The following LCP2 variants were observed in gnomAD, a reference collection of about 807,000 sequenced individuals.
The protein encoded by LCP2 is lymphocyte cytosolic protein 2, also known as 76 kDa tyrosine phosphoprotein.
LCP2 carries 29 observed loss-of-function variants against 74.5 expected under a neutral mutation model. The observed-to-expected ratio is 0.39, with a 90% confidence interval of 0.29 to 0.53. The LOEUF (loss-of-function observed/expected upper bound fraction) is 0.53, where lower values mean the gene tolerates loss of function less well. Ranked by LOEUF, LCP2 falls within the 20% of genes least tolerant of loss-of-function variation. The pLI, the probability that LCP2 is intolerant of heterozygous loss-of-function variation, is 0.72. For missense variants in LCP2, 604 were observed against 634.6 expected (o/e 0.95, Z 0.52); for synonymous variants, 228 against 229.5 (o/e 0.99, Z 0.06).
intron 10 of LCP2, among the ~76,000 whole-genome samples, chr5:170,264,362 C>G (rs984566353): frequency 1.3e-5 from 2 of 152,230 alleles, no homozygotes; most frequent in Non-Finnish European, 2.9e-5. Flanking sequence ...TTAGTTAACT[C>G]GCCTTTCTTT....
intron 6 of LCP2, among the ~76,000 whole-genome samples, chr5:170,272,600 T>TTTTTTTTTTTTC (rs1761914906): frequency 1.1e-5 from 1 of 87,090 alleles, no homozygotes; most frequent in African/African-American, 9.1e-5. Context: ...ATATTTTCTT[T>TTTTTTTTTTTTC]TTTTTTTTTT....
In LCP2 at chr5:170,248,760, A is replaced by G. The variant is rs751035960; in HGVS notation, c.1539T>C (p.Ile513=). The G allele has an allele frequency of 8.3e-5, 133 of 1,610,614 alleles. No homozygotes were observed. The highest frequency in any genetic ancestry group is 1.1e-4 in the Non-Finnish European group (124 of 1,178,856). ...DYFRKMPLLL[I]DGKNRGSRYQ... is the part of the protein sequence containing the mutation. ...ATCTGGAACCTCGGTTTTTCCCATC[A>G]ATGAGCAGAAGTGGCATTTTCCTGA... The change falls in exon 21 of 21, where the codon ATT becomes ATC. Residue 513 remains isoleucine (I), a synonymous_variant. Transcript: ENST00000046794.
At chr5:170,293,691 A>G (rs910969316) in intron 1 of LCP2, among the ~76,000 whole-genome samples, 1 of 152,140 alleles carries the variant, frequency 6.6e-6, no homozygotes, top group Admixed American at 6.5e-5. Flanking sequence ...AAGAAATACC[A>G]TCCATTGTCT....
In LCP2 at chr5:170,283,981, C is replaced by T. The variant is rs73804029; in HGVS notation, c.188+3989G>A. On this transcript the variant is annotated intron_variant, in intron 3 of 20. Coordinates refer to ENST00000046794, the MANE Select transcript of LCP2 (RefSeq NM_005565.5). Reference sequence around the variant, plus strand: ...CACTGTTGTAATTGTAGTGTAATTGCTTTGCTTGTCTGTCTGACCTCCCTT... The same window carrying T: ...CACTGTTGTAATTGTAGTGTAATTGTTTTGCTTGTCTGTCTGACCTCCCTT... Among the ~76,000 whole-genome samples, 951 of 152,286 alleles carry T rather than the reference C, an allele frequency of 6.2e-3. 9 individuals are homozygous for T. The highest frequency in any genetic ancestry group is 0.022 in the African/African-American group (914 of 41,554).
intron 5 of LCP2, 60 bp downstream of exon 5, chr5:170,275,260 A>G: frequency 6.3e-7 from 1 of 1,591,398 alleles, no homozygotes; most frequent in South Asian, 1.1e-5. Context: ...CAGAAAGGCA[A>G]GAAAACTGAA....
chr5:170,290,410 T>C (rs1762269006), intron 2 of LCP2, among the ~76,000 whole-genome samples: 1 of 152,136 alleles, frequency 6.6e-6, no homozygotes, highest in South Asian at 2.1e-4. Context: ...CTCTCCAGGC[T>C]CCCTTGCAGA....
intron 2 of LCP2, 27 bp from the exon 3 acceptor site, chr5:170,288,043 A>G: frequency 6.2e-7 from 1 of 1,612,144 alleles, no homozygotes; most frequent in South Asian, 1.1e-5. Flanking sequence ...TATGGCAGGC[A>G]GGTTACAACC....
At chr5:170,262,165 G>T (rs1171051725) in intron 13 of LCP2, among the ~76,000 whole-genome samples, 1 of 152,164 alleles carries the variant, frequency 6.6e-6, no homozygotes, top group East Asian at 1.9e-4. Flanking sequence ...TCACAGCAAA[G>T]TTAAAAATAC....
intron 6 of LCP2, among the ~76,000 whole-genome samples, chr5:170,272,344 G>A (rs1761908826): frequency 6.6e-6 from 1 of 152,162 alleles, no homozygotes. Context: ...AAATTAAAAT[G>A]GAGACCAGGC....
intron 11 of LCP2, 25 bp downstream of exon 11, chr5:170,262,942 A>T (rs745498391): frequency 6.2e-7 from 1 of 1,614,020 alleles, no homozygotes; most frequent in East Asian, 2.2e-5. Flanking sequence ...AACAAACACA[A>T]CCAAAAAACA....
chr5:170,260,934 C>A (rs1761638344), intron 14 of LCP2, 173 bp downstream of exon 14: 1 of 608,020 alleles, frequency 1.6e-6, no homozygotes, highest in Non-Finnish European at 3.0e-6. Flanking sequence ...GGGCTCCAGA[C>A]AATGACCAAG....
intron 19 of LCP2, chr5:170,252,144 A>G (rs1006157972): frequency 4.1e-5 from 10 of 241,862 alleles, no homozygotes. Flanking sequence ...TTCTGACACC[A>G]TGTGATTCCT....
chr5:170,260,795 G>T (rs949309821), intron 14 of LCP2, among the ~76,000 whole-genome samples: 1 of 152,182 alleles, frequency 6.6e-6, no homozygotes, highest in African/African-American at 2.4e-5. Flanking sequence ...CAAACTTCTG[G>T]CCTTCCCTTA....
Position 170,287,970 on chromosome 5 carries a change from G to A in LCP2, c.188C>T (p.Pro63Leu), listed in dbSNP as rs780360087. The A allele has an allele frequency of 5.0e-6, 8 of 1,613,706 alleles. No individual in the cohort carries two copies. The highest frequency in any genetic ancestry group is 1.1e-5 in the South Asian group (1 of 91,060). Reference protein sequence around the residue: ...DIQKFPKLRVPILSKLSQEIN... With the variant: ...DIQKFPKLRVLILSKLSQEIN... ...CCCATAGAGTTGGAGGAGTACTTAC[G>A]GCACCCGGAGCTTGGGGAACTTCTG... Residue 63 changes from proline (P) to leucine (L), a missense_variant and splice_region_variant, in exon 3 of 21, where the codon CCG becomes CTG. Pro to Leu is a moderately conservative substitution (Grantham distance 98, BLOSUM62 -3). Coordinates refer to ENST00000046794, the MANE Select transcript of LCP2 (RefSeq NM_005565.5).
chr5:170,256,368 C>A lies in LCP2; in HGVS notation c.1150+158G>T, dbSNP rs1761551699. 6.6e-6 allele frequency among the ~76,000 whole-genome samples: 1 copy of A among 152,036 alleles called. No individual in the cohort carries two copies. Among genetic ancestry groups the A allele is most frequent in the South Asian group, 2.1e-4 (1 of 4,812 alleles). Reference sequence around the variant, plus strand: ...GGTACTATCCTATCATTCCGACAGCCCTTGGCACACTGCAGACACGGAATT... The same window carrying A: ...GGTACTATCCTATCATTCCGACAGCACTTGGCACACTGCAGACACGGAATT... On this transcript the variant is annotated intron_variant, in intron 17 of 20. Coordinates refer to ENST00000046794, the MANE Select transcript of LCP2 (RefSeq NM_005565.5). The surrounding 1 kb of genome is among the most constrained non-coding windows in gnomAD (Gnocchi z 4.5).
chr5:170,252,304 C>A (rs1761462158), intron 19 of LCP2, 130 bp downstream of exon 19: 3 of 505,494 alleles, frequency 5.9e-6, no homozygotes, highest in African/African-American at 1.9e-5. Flanking sequence ...ACTAATGGGT[C>A]TCCTAGGTAT....
In LCP2 at chr5:170,248,549, A is replaced by G. The variant is rs1761350279; in HGVS notation, c.*148T>C. 4 of 794,194 alleles carry G rather than the reference A, an allele frequency of 5.0e-6. No homozygotes were observed. Among genetic ancestry groups the G allele is most frequent in the Non-Finnish European group, 8.3e-6 (4 of 484,276 alleles). The allele number at this position is 794,194 out of a possible 1,614,324, so 49.2% of individuals were successfully genotyped here. On this transcript the variant is annotated 3_prime_UTR_variant, in exon 21 of 21. Transcript: ENST00000046794. ...GGATAGTTGACAGTCTTCATTTCAA[A>G]CACTGTTTTTAAAGGAAAGGATAAA... is the stretch of plus-strand genomic sequence containing the variant.
chr5:170,274,206 G>C, intron 6 of LCP2, 95 bp downstream of exon 6: 1 of 1,300,180 alleles, frequency 7.7e-7, no homozygotes, highest in Non-Finnish European at 1.1e-6. Flanking sequence ...CATCATGTTA[G>C]AGCCCCGCTT....
In LCP2 at chr5:170,270,819, A is replaced by T; in HGVS notation, c.423T>A (p.Asp141Glu). ...AGGGTGGCGGCTCATAATCCGCGTC[A>T]TCTTCCACGGGTGCCTCTTCCTCCT... Reference protein sequence around the residue: ...PNEEEEAPVEDDADYEPPPSN... With the variant: ...PNEEEEAPVEEDADYEPPPSN... The change falls in exon 7 of 21, where the codon GAT becomes GAA. Residue 141 changes from aspartate (D) to glutamate (E), a missense_variant. Transcript: ENST00000046794. The T allele has an allele frequency of 6.2e-7, 1 of 1,612,158 alleles. No homozygotes were observed. The highest frequency in any genetic ancestry group is 8.5e-7 in the Non-Finnish European group (1 of 1,179,056).
Sources: gnomAD v4.1 joint callset for allele counts (sites outside exome capture counted in the v4.1 genomes callset) on GRCh38, gnomAD v4.1.1 for gene constraint, Gnocchi (gnomAD v3.1) non-coding constraint, MANE v1.5 for transcripts, NCBI Gene and HGNC (gene_info 2026-07-23, HGNC 2026-07-21) for gene names.